The following PDZD2 variants were observed in gnomAD, a reference collection of about 807,000 sequenced individuals.
PDZD2 encodes the protein PDZ domain-containing protein 2.
A neutral mutation model predicts 220.7 loss-of-function variants in PDZD2; 90 were observed. The ratio of observed to expected loss-of-function variants is 0.41; its 90% CI spans 0.34 to 0.49. PDZD2 has a LOEUF of 0.49. Ranked by LOEUF, PDZD2 falls within the 20% of genes least tolerant of loss-of-function variation. The pLI, the probability that PDZD2 is intolerant of heterozygous loss-of-function variation, is 0.28. For synonymous variants in PDZD2, 1,375 were observed against 1,450.5 expected, an observed-to-expected ratio of 0.95 and a Z score of 1.18; for missense variants, 3,174 against 3,608.5, an observed-to-expected ratio of 0.88 and a Z score of 3.08.
intron 2 of PDZD2, among the ~76,000 whole-genome samples, chr5:31,930,196 C>CTTTTTTT (rs760145512): frequency 9.8e-6 from 1 of 102,506 alleles, no homozygotes; most frequent in African/African-American, 4.0e-5. Flanking sequence ...CTCAGGTATT[C>CTTTTTTT]TTTTTTTTTT....
intron 1 of PDZD2, among the ~76,000 whole-genome samples, chr5:31,692,261 CG>C (rs1561387001): frequency 6.6e-6 from 1 of 152,180 alleles, no homozygotes. Context: ...CGGGCGAGTG[CG>C]GGGTCCGCGG....
At chr5:32,042,947 C>T (rs1449480367) in intron 7 of PDZD2, among the ~76,000 whole-genome samples, 1 of 152,184 alleles carries the variant, frequency 6.6e-6, no homozygotes, top group Non-Finnish European at 1.5e-5. Flanking sequence ...GGTCACATTC[C>T]TCATTTTATG....
At chr5:31,804,519 G>C (rs1754597913) in intron 2 of PDZD2, among the ~76,000 whole-genome samples, 1 of 152,142 alleles carries the variant, frequency 6.6e-6, no homozygotes, top group South Asian at 2.1e-4. Context: ...ATTCCATAAA[G>C]GACAGCCTTT....
Position 31,708,889 on chromosome 5 carries a change from T to G in PDZD2, c.-361+69452T>G, listed in dbSNP as rs72755424. Among the ~76,000 whole-genome samples, 954 of 151,786 alleles carry G rather than the reference T, an allele frequency of 6.3e-3. 10 individuals are homozygous for G. Among genetic ancestry groups the G allele is most frequent in the African/African-American group, 0.022 (907 of 41,410 alleles). On this transcript the variant is annotated intron_variant, in intron 1 of 24. Coordinates refer to ENST00000438447, the MANE Select transcript of PDZD2 (RefSeq NM_178140.4). ...CTCAGCAAATGTGTTTTGTTTTTTT[T>G]TTTTTTTTAATTTTTTTAGATGGAG...
chr5:31,658,640 G>A (rs1207406783), intron 1 of PDZD2, among the ~76,000 whole-genome samples: 4 of 142,568 alleles, frequency 2.8e-5, no homozygotes, highest in Admixed American at 2.1e-4. Flanking sequence ...TTTTTTTTGA[G>A]ACGGAGTCTC....
intron 1 of PDZD2, among the ~76,000 whole-genome samples, chr5:31,662,786 C>G (rs536532968): frequency 6.6e-6 from 1 of 152,198 alleles, no homozygotes; most frequent in Admixed American, 6.5e-5. Context: ...CCCACCACCA[C>G]GCCCAGCTAA....
intron 2 of PDZD2, among the ~76,000 whole-genome samples, chr5:31,851,754 T>C (rs1758066955): frequency 6.6e-6 from 1 of 152,182 alleles, no homozygotes; most frequent in East Asian, 1.9e-4. Context: ...AAACCTCAGT[T>C]AGGGAAAAGA....
intron 2 of PDZD2, among the ~76,000 whole-genome samples, chr5:31,879,359 C>A (rs574345617): frequency 8.2e-4 from 122 of 149,562 alleles, no homozygotes; most frequent in Non-Finnish European, 1.7e-3. Context: ...TGCACTCCAG[C>A]CTGGGCGACA....
intron 1 of PDZD2, among the ~76,000 whole-genome samples, chr5:31,750,008 G>A (rs1023618066): frequency 2.6e-5 from 4 of 152,180 alleles, no homozygotes; most frequent in African/African-American, 9.7e-5. Context: ...ATCCAGGACT[G>A]CGGAATCAGG....
At chr5:31,682,972 A>T (rs1040314436) in intron 1 of PDZD2, among the ~76,000 whole-genome samples, 1 of 152,018 alleles carries the variant, frequency 6.6e-6, no homozygotes, top group African/African-American at 2.4e-5. Flanking sequence ...GTCAGATGGG[A>T]GTCATTTTTC....
chr5:31,825,079 C>A (rs1399534805), intron 2 of PDZD2, among the ~76,000 whole-genome samples: 1 of 152,236 alleles, frequency 6.6e-6, no homozygotes, highest in Non-Finnish European at 1.5e-5. Context: ...ACCTCCACCT[C>A]CTGGCCACCC....
At chr5:32,051,098 C>T (rs2112299774) in intron 8 of PDZD2, among the ~76,000 whole-genome samples, 1 of 152,214 alleles carries the variant, frequency 6.6e-6, no homozygotes, top group Non-Finnish European at 1.5e-5. Flanking sequence ...GTTGGTGAAG[C>T]CTACAGGCCT....
At chr5:31,698,534 G>A (rs180852362) in intron 1 of PDZD2, among the ~76,000 whole-genome samples, 1 of 150,928 alleles carries the variant, frequency 6.6e-6, no homozygotes, top group Admixed American at 6.6e-5. Context: ...AGGAGGTGGA[G>A]CTTGCAGTGA....
At chr5:31,743,186 T>C (rs1363966167) in intron 1 of PDZD2, among the ~76,000 whole-genome samples, 1 of 151,998 alleles carries the variant, frequency 6.6e-6, no homozygotes, top group Non-Finnish European at 1.5e-5. Flanking sequence ...TCTTTTTTTT[T>C]TTTTTGATAC....
intron 1 of PDZD2, among the ~76,000 whole-genome samples, chr5:31,777,684 C>T (rs894055569): frequency 1.3e-5 from 2 of 152,124 alleles, no homozygotes; most frequent in African/African-American, 4.8e-5. Flanking sequence ...ATGCACCAAT[C>T]GGCACTCTGT....
At chr5:31,707,307 AAATT>A (rs34787186) in intron 1 of PDZD2, among the ~76,000 whole-genome samples, 1,696 of 141,916 alleles carry the variant, frequency 0.012, 18 homozygotes, top group East Asian at 0.053. Flanking sequence ...TTTAATAAAT[AAATT>A]AATTAATTAA....
chr5:31,674,240 G>A (rs990283638), intron 1 of PDZD2, among the ~76,000 whole-genome samples: 2 of 152,188 alleles, frequency 1.3e-5, no homozygotes, highest in Non-Finnish European at 2.9e-5. Flanking sequence ...GAAAAGACAG[G>A]TACCGGTCAG....
At chr5:31,757,538 G>A (rs1188970023) in intron 1 of PDZD2, among the ~76,000 whole-genome samples, 1 of 151,896 alleles carries the variant, frequency 6.6e-6, no homozygotes, top group Admixed American at 6.6e-5. Context: ...CTTGCAGTGA[G>A]CCGAGATTGC....
At chr5:31,813,047 T>C (rs73060320) in intron 2 of PDZD2, among the ~76,000 whole-genome samples, 10,723 of 152,254 alleles carry the variant, frequency 0.07, 909 homozygotes, top group African/African-American at 0.21. Context: ...ATGTGAAATA[T>C]AAACTTACAA....
Sources: allele counts gnomAD v4.1 joint callset (sites outside exome capture counted in the v4.1 genomes callset), GRCh38; gene constraint gnomAD v4.1.1; transcripts MANE v1.5; gene names NCBI Gene and HGNC (gene_info 2026-07-23, HGNC 2026-07-21).